AGR3: variants seen among roughly 807,000 people sequenced by gnomAD.
The protein encoded by AGR3 is anterior gradient protein 3.
A neutral mutation model predicts 24.5 loss-of-function variants in AGR3; 37 were observed. The ratio of observed to expected loss-of-function variants is 1.51; its 90% CI spans 1.16 to 1.99. AGR3 has a LOEUF of 1.99. AGR3 is among the 30% of genes most tolerant of loss of function. The probability of loss-of-function intolerance (pLI) is 0.00; values close to 1 mark genes in which losing one functional copy is unlikely to be tolerated. For missense variants in AGR3, 228 were observed against 191.1 expected (o/e 1.19, Z -1.14); for synonymous variants, 75 against 61.6 (o/e 1.22, Z -1.02).
intron 4 of AGR3, 70 bp downstream of exon 4, chr7:16,862,540 C>T (rs1781669970): frequency 2.0e-6 from 2 of 994,522 alleles, no homozygotes; most frequent in Non-Finnish European, 2.8e-6. Flanking sequence ...GCTATTATTA[C>T]CAGGTCACTT....
At chr7:16,856,567 G>C (rs569899174), downstream of AGR3, among the ~76,000 whole-genome samples, 1 of 152,090 alleles carries the variant, frequency 6.6e-6, no homozygotes, top group African/African-American at 2.4e-5. Flanking sequence ...ATGTGGCAAC[G>C]CTGGACTTTA....
At chr7:16,877,449 T>C (rs1163005632) in intron 2 of AGR3, among the ~76,000 whole-genome samples, 3 of 151,466 alleles carry the variant, frequency 2.0e-5, no homozygotes, top group South Asian at 2.1e-4. Context: ...AGTGGTAATA[T>C]GAATGGAGCA....
intron 3 of AGR3, chr7:16,864,683 C>T: frequency 6.3e-6 from 10 of 1,582,852 alleles, no homozygotes; most frequent in Non-Finnish European, 8.7e-6. Flanking sequence ...AGTGCTTTTG[C>T]TGCCAGGCAA....
chr7:16,865,817 G>A (rs111784463), intron 3 of AGR3: 17 of 745,542 alleles, frequency 2.3e-5, no homozygotes, highest in African/African-American at 8.6e-5. Context: ...TGGTAAAACT[G>A]GATTAATCCA....
chr7:16,871,474 A>G (rs1294361150), intron 3 of AGR3, among the ~76,000 whole-genome samples: 1 of 152,194 alleles, frequency 6.6e-6, no homozygotes, highest in Non-Finnish European at 1.5e-5. Flanking sequence ...ATCAACATGC[A>G]AAACCAGTAG....
At chr7:16,868,014 C>T (rs769699164) in intron 3 of AGR3, among the ~76,000 whole-genome samples, 70 of 152,270 alleles carry the variant, frequency 4.6e-4, no homozygotes, top group Admixed American at 2.6e-4. Flanking sequence ...TCTCCACATT[C>T]TTGCCAACAC....
chr7:16,862,955 C>T (rs1781678310), intron 3 of AGR3, among the ~76,000 whole-genome samples: 3 of 152,194 alleles, frequency 2.0e-5, no homozygotes, highest in Admixed American at 2.0e-4. Context: ...CCTGTAGTCC[C>T]AGCTGCTCTG....
chr7:16,869,020 G>A (rs912235511), intron 3 of AGR3, among the ~76,000 whole-genome samples: 1 of 152,122 alleles, frequency 6.6e-6, no homozygotes, highest in Admixed American at 6.5e-5. Context: ...ATCTTCTCTT[G>A]CTGTTTGATT....
At chr7:16,860,920 G>C (rs1781628982) in intron 6 of AGR3, among the ~76,000 whole-genome samples, 1 of 152,100 alleles carries the variant, frequency 6.6e-6, no homozygotes, top group Non-Finnish European at 1.5e-5. Flanking sequence ...TTCTGTTTCT[G>C]TGTTCATTTG....
In AGR3 at chr7:16,859,601, A is replaced by C; in HGVS notation, c.482T>G (p.Leu161Arg). 6.4e-7 allele frequency: 1 copy of C among 1,554,878 alleles called. No individual in the cohort carries two copies. The highest frequency in any genetic ancestry group is 1.9e-4 in the Middle Eastern group (1 of 5,144). ...LIENMKKALR[L>R]IQSEL ...CATCTCTTATAGCTCTGACTGAATA[A>C]GTCTTAATGCTTTCTTCATGTTTTC... Residue 161 changes from leucine (L) to arginine (R), a missense_variant, in exon 8 of 8, where the codon CTT becomes CGT. Physicochemically the swap from Leu to Arg is moderately radical, Grantham distance 102. Coordinates refer to ENST00000310398, the MANE Select transcript of AGR3 (RefSeq NM_176813.5).
At chr7:16,878,681 A>G (rs1214714202) in intron 1 of AGR3, 36 bp from the exon 2 acceptor site, 1 of 1,389,326 alleles carries the variant, frequency 7.2e-7, no homozygotes, top group Non-Finnish European at 1.0e-6. Context: ...AATCCAGTGA[A>G]TTACTTCAAG....
At chr7:16,869,154 A>G (rs555194195) in intron 3 of AGR3, among the ~76,000 whole-genome samples, 7 of 152,218 alleles carry the variant, frequency 4.6e-5, no homozygotes, top group African/African-American at 1.7e-4. Flanking sequence ...GTCCCTTACT[A>G]TTATTGTGTT....
rs377006905 is a variant in AGR3, at chr7:16,874,574, C to G, written c.110-731G>C. ...ATTACTGAGTATTTTCAGGAAGTGTCTCAGTCTACGAATGAGAGAGATTGA... is the reference window on the plus strand; with the variant it reads ...ATTACTGAGTATTTTCAGGAAGTGTGTCAGTCTACGAATGAGAGAGATTGA... On this transcript the variant is annotated intron_variant, in intron 2 of 7. Transcript: ENST00000310398. 1.6e-4 allele frequency among the ~76,000 whole-genome samples: 25 copies of G among 152,196 alleles called. No homozygotes were observed. The East Asian group carries it at 4.8e-3, about 29-fold the overall frequency.
chr7:16,857,990 TC>T (rs1583832285), downstream of AGR3, among the ~76,000 whole-genome samples: 1 of 125,514 alleles, frequency 8.0e-6, no homozygotes, highest in Non-Finnish European at 1.7e-5. Context: ...TAAAACATTT[TC>T]TTTTTTTTTT....
intron 7 of AGR3, 113 bp from the exon 8 acceptor site, chr7:16,859,744 G>A (rs980284446): frequency 6.2e-6 from 4 of 641,052 alleles, no homozygotes; most frequent in South Asian, 2.2e-5. Context: ...CTTTGAACAT[G>A]GGAATTCGTC....
chr7:16,866,550 A>G (rs1466263511), intron 3 of AGR3, among the ~76,000 whole-genome samples: 1 of 152,158 alleles, frequency 6.6e-6, no homozygotes, highest in Non-Finnish European at 1.5e-5. Context: ...CTCTCCATAG[A>G]AGCTGTACCA....
At chr7:16,860,046 A>G (rs572380124) in intron 7 of AGR3, among the ~76,000 whole-genome samples, 1 of 151,818 alleles carries the variant, frequency 6.6e-6, no homozygotes, top group South Asian at 2.1e-4. Context: ...ACTTGAGGCC[A>G]GGAGTTTGAG....
At chr7:16,872,755 CA>C (rs2115311432) in intron 3 of AGR3, among the ~76,000 whole-genome samples, 1 of 152,138 alleles carries the variant, frequency 6.6e-6, no homozygotes, top group Admixed American at 6.5e-5. Flanking sequence ...AACTCAACAA[CA>C]AAAAACCCCA....
At chr7:16,878,112 T>A (rs1286668861) in intron 2 of AGR3, among the ~76,000 whole-genome samples, 1 of 143,666 alleles carries the variant, frequency 7.0e-6, no homozygotes, top group East Asian at 2.0e-4. Context: ...ATAAAATTAT[T>A]CCAATTTTTT....
Sources: gnomAD v4.1 joint callset for allele counts (sites outside exome capture counted in the v4.1 genomes callset) on GRCh38, gnomAD v4.1.1 for gene constraint, MANE v1.5 for transcripts, NCBI Gene and HGNC (gene_info 2026-07-23, HGNC 2026-07-21) for gene names.